PLEC: variants seen among roughly 807,000 people sequenced by gnomAD.
PLEC encodes hemidesmosomal protein 1.
Under a neutral mutation model 392.8 loss-of-function variants are expected in PLEC, and 216 were observed. The ratio of observed to expected loss-of-function variants is 0.55; its 90% CI spans 0.49 to 0.62. The LOEUF (loss-of-function observed/expected upper bound fraction) is 0.62. Among genes scored for constraint, PLEC ranks in the 20% least tolerant of loss-of-function variants. The probability of loss-of-function intolerance (pLI) is 0.00; values close to 1 mark genes in which losing one functional copy is unlikely to be tolerated. For synonymous variants in PLEC, 3,621 were observed against 2,980.6 expected (o/e 1.21, Z -7.00); for missense variants, 6,863 against 6,563.4 (o/e 1.05, Z -1.58).
rs571562116 is a variant in PLEC, at chr8:143,936,601, C to G, written c.435+378G>C. Among the ~76,000 whole-genome samples, 16 of 152,372 alleles carry G rather than the reference C, an allele frequency of 1.1e-4. 1 individual carries two copies. Among genetic ancestry groups the G allele is most frequent in the Admixed American group, 1.0e-3 (16 of 15,314 alleles). On this transcript the variant is annotated intron_variant, in intron 5 of 31. Transcript: ENST00000345136. ...TCAGCTGCCGTGCCAGCACCAGGCT[C>G]TGCCTGCTCAGCTCTCAGATTTGTG...
At chr8:143,931,704 G>C (rs1205344677) in intron 18 of PLEC, 45 bp from the exon 19 acceptor site, 1 of 1,578,664 alleles carries the variant, frequency 6.3e-7, no homozygotes, top group Non-Finnish European at 8.6e-7. Context: ...TGGGACCAGA[G>C]CCCCAGCCCA....
At position 143,938,248 on chromosome 8, in the gene PLEC, G is replaced by C; in HGVS notation, c.175-8C>G. On this transcript the variant is annotated splice_region_variant and splice_polypyrimidine_tract_variant and intron_variant, in intron 2 of 31. Transcript: ENST00000345136. ...ACTGATGTGCCTCTGGGCCTGTGGG[G>C]ACAGCAGCGGCTGAGGTGGCCAGTC... 6.3e-7 allele frequency: 1 copy of C among 1,588,586 alleles called. No individual in the cohort carries two copies. The highest frequency in any genetic ancestry group is 8.6e-7 in the Non-Finnish European group (1 of 1,169,374).
upstream of PLEC, chr8:143,943,987 G>C (rs1831006228): frequency 1.3e-6 from 2 of 1,531,156 alleles, no homozygotes; most frequent in Non-Finnish European, 1.8e-6. Context: ...GCGAGCGAGG[G>C]GGAGCGCCGG....
Position 143,922,015 on chromosome 8 carries a change from C to G in PLEC, c.7806G>C (p.Glu2602Asp). The change falls in exon 32 of 32, where the codon GAG becomes GAC. Residue 2602 changes from glutamate (E) to aspartate (D), a missense_variant. Glu to Asp is a conservative substitution (Grantham distance 45, BLOSUM62 2). Transcript: ENST00000345136. ...GCGCCAGCGCGGCCCGGTGCTGCTC[C>G]TCCAGGAGCTGCAGCTGCTCACGCA... ...QRLREQLQLL[E>D]EQHRAALAHS... 6.3e-7 allele frequency: 1 copy of G among 1,597,808 alleles called. No individual in the cohort carries two copies. Among genetic ancestry groups the G allele is most frequent in the Non-Finnish European group, 8.5e-7 (1 of 1,179,550 alleles).
chr8:143,963,619 C>T lies in PLEC; in HGVS notation c.70+9784G>A, dbSNP rs549113779. 2.0e-5 allele frequency among the ~76,000 whole-genome samples: 3 copies of T among 152,204 alleles called. No homozygotes were observed. The East Asian group carries it at 5.8e-4, about 29-fold the overall frequency. On this transcript the variant is annotated intron_variant, in intron 1 of 31. Transcript: ENST00000356346. ...CATCTGGATCCTACCCAGAGCCTCA[C>T]CAACACCTGATTTAGACACAACTTC...
In PLEC at chr8:143,924,475, C is replaced by T. The variant is rs1554697596; in HGVS notation, c.5454G>A (p.Gln1818=). The change falls in exon 31 of 32, where the codon CAG becomes CAA. Residue 1818 remains glutamine (Q), a synonymous_variant. Transcript: ENST00000345136. ...ALAEEAKRQR[Q]LAEEDAARQR... ...GCCGCGCCGCGTCTTCCTCGGCCAGCTGCCGCTGCCGCTTGGCCTCTTCCG... is the reference window on the plus strand; with the variant it reads ...GCCGCGCCGCGTCTTCCTCGGCCAGTTGCCGCTGCCGCTTGGCCTCTTCCG... 2 of 1,540,276 alleles carry T rather than the reference C, an allele frequency of 1.3e-6. No individual in the cohort carries two copies. The highest frequency in any genetic ancestry group is 1.9e-5 in the Admixed American group (1 of 52,122).
At chr8:143,974,205 C>T (rs1383703097), upstream of PLEC, among the ~76,000 whole-genome samples, 1 of 152,226 alleles carries the variant, frequency 6.6e-6, no homozygotes, top group Non-Finnish European at 1.5e-5. This position sits in a 1 kb window ranked among gnomAD's most constrained non-coding sequence, Gnocchi z 5.9. Flanking sequence ...CGCAGAGCCC[C>T]GGCGCGGAAG....
In PLEC at chr8:143,925,911, G is replaced by A. The variant is rs1004580340; in HGVS notation, c.4045-27C>T. On this transcript the variant is annotated intron_variant, in intron 30 of 31. Coordinates refer to ENST00000345136, the MANE Select transcript of PLEC (RefSeq NM_201384.3). ...TGTGGCCACAGCAGAGAGAAGAAGAGAAGCAGAGAGAGTGTGAACACGGGC... is the reference window on the plus strand; with the variant it reads ...TGTGGCCACAGCAGAGAGAAGAAGAAAAGCAGAGAGAGTGTGAACACGGGC... 2.0e-6 allele frequency: 3 copies of A among 1,535,156 alleles called. 1 individual carries two copies. The South Asian group carries it at 3.6e-5, about 18-fold the overall frequency.
In PLEC at chr8:143,929,465, C is replaced by A; in HGVS notation, c.3030G>T (p.Pro1010=). 6.3e-7 allele frequency: 1 copy of A among 1,596,488 alleles called. No individual in the cohort carries two copies. Among genetic ancestry groups the A allele is most frequent in the Non-Finnish European group, 8.5e-7 (1 of 1,173,020 alleles). ...ETRTVHRLRL[P]LDKEPARECA... The stretch of plus-strand genomic sequence containing the variant: ...ACTCCCGTGCCGGCTCTTTGTCCAG[C>A]GGCAGCCGCAGGCGGTGCACGGTGC... The change falls in exon 24 of 32, where the codon CCG becomes CCT. Residue 1010 remains proline (P), a synonymous_variant. Transcript: ENST00000345136.
rs1554715879 is a variant in PLEC at position 143,931,923 on chromosome 8, G to A, written c.2178+14C>T. ...GCCGCTGAGCCACAGTGCGGAGGGG[G>A]CTCCGGTTCTCACCTGAAAGTAGGC... On this transcript the variant is annotated intron_variant, in intron 18 of 31. Transcript: ENST00000345136. 3.8e-6 allele frequency: 6 copies of A among 1,595,326 alleles called. No homozygotes were observed. The highest frequency in any genetic ancestry group is 3.4e-5 in the Admixed American group (2 of 58,814).
At position 143,930,014 on chromosome 8, in the gene PLEC, G is replaced by A. The variant is rs782806801; in HGVS notation, c.2661C>T (p.His887=). ...AGGCCAGAAGGCTCTTCATGTCCACGTGCAACTGGTGCCACAGCGTGACCA... is the reference window on the plus strand; with the variant it reads ...AGGCCAGAAGGCTCTTCATGTCCACATGCAACTGGTGCCACAGCGTGACCA... ...QALVTLWHQL[H]VDMKSLLAWQ... is the part of the protein sequence containing the mutation. The change falls in exon 22 of 32, where the codon CAC becomes CAT. Residue 887 remains histidine, a synonymous_variant. Coordinates refer to ENST00000345136, the MANE Select transcript of PLEC (RefSeq NM_201384.3). 3.9e-5 allele frequency: 63 copies of A among 1,612,096 alleles called. No individual in the cohort carries two copies. Among genetic ancestry groups the A allele is most frequent in the Admixed American group, 8.3e-5 (5 of 59,970 alleles).
chr8:143,963,031 A>T (rs1564227811), intron 1 of PLEC, among the ~76,000 whole-genome samples: 1 of 152,214 alleles, frequency 6.6e-6, no homozygotes, highest in African/African-American at 2.4e-5. Context: ...CCATTCACTC[A>T]TCTCAACAGA....
chr8:143,957,754 A>C (rs763125027), upstream of PLEC, among the ~76,000 whole-genome samples: 154 of 152,058 alleles, frequency 1.0e-3, 1 homozygote, highest in Non-Finnish European at 1.8e-3. Flanking sequence ...GGCCCTGCCC[A>C]CCACCACCCT....
At position 143,917,053 on chromosome 8, in the gene PLEC, G is replaced by A. The variant is rs1407575039; in HGVS notation, c.12768C>T (p.Tyr4256=). 1.2e-5 allele frequency: 20 copies of A among 1,608,716 alleles called. No individual in the cohort carries two copies. Among genetic ancestry groups the A allele is most frequent in the Non-Finnish European group, 1.7e-5 (20 of 1,176,554 alleles). Reference sequence around the variant, plus strand: ...TCCTGGAGACGGCGGGGCTGATGGGGTAGGAGGAGGAGGATCCCACCGAGG... The same window carrying A: ...TCCTGGAGACGGCGGGGCTGATGGGATAGGAGGAGGAGGATCCCACCGAGG... ...RSSSVGSSSS[Y]PISPAVSRTQ... is the part of the protein sequence containing the mutation. The change falls in exon 32 of 32, where the codon TAC becomes TAT. Residue 4256 remains tyrosine (Y), a synonymous_variant. Transcript: ENST00000345136.
In PLEC at chr8:143,925,157, T is replaced by G; in HGVS notation, c.4772A>C (p.Gln1591Pro). ...KRASFAEKTA[Q>P]LERSLQEEHV... ...TTCCTCCTGCAGGGAGCGCTCCAGCTGTGCCGTCTTCTCGGCGAAGGAGGC... is the reference window on the plus strand; with the variant it reads ...TTCCTCCTGCAGGGAGCGCTCCAGCGGTGCCGTCTTCTCGGCGAAGGAGGC... The change falls in exon 31 of 32, where the codon CAG becomes CCG. Residue 1591 changes from glutamine to proline, a missense_variant. Physicochemically the swap from Gln to Pro is moderately conservative, Grantham distance 76. Transcript: ENST00000345136. 6.4e-7 allele frequency: 1 copy of G among 1,559,440 alleles called. No individual in the cohort carries two copies. Among genetic ancestry groups the G allele is most frequent in the Non-Finnish European group, 8.6e-7 (1 of 1,160,742 alleles).
rs782044574 is a variant in PLEC at position 143,933,089 on chromosome 8, G to T, written c.1441C>A (p.Leu481Met). The T allele has an allele frequency of 2.1e-5, 33 of 1,590,642 alleles. No individual in the cohort carries two copies. The highest frequency in any genetic ancestry group is 2.6e-5 in the Non-Finnish European group (31 of 1,170,966). ...YRRVYRLHER[L>M]VAIRTEYNLR... The stretch of plus-strand genomic sequence containing the variant: ...TTGTACTCGGTGCGGATGGCTACCA[G>T]GCGCTCGTGCAGACGGTACACCCTG... The change falls in exon 14 of 32, where the codon CTG (leucine) becomes ATG (methionine). Residue 481 changes from leucine to methionine, a missense_variant. By Grantham distance (15) the Leu-to-Met change is conservative. Transcript: ENST00000345136.
In PLEC at chr8:143,925,442, G is replaced by C; in HGVS notation, c.4487C>G (p.Ala1496Gly). 6.3e-7 allele frequency: 1 copy of C among 1,595,634 alleles called. No homozygotes were observed. The highest frequency in any genetic ancestry group is 1.1e-5 in the South Asian group (1 of 90,808). Reference protein sequence around the residue: ...EAQKRQAQEEAERLRRQVQDE... With the variant: ...EAQKRQAQEEGERLRRQVQDE... ...CTGCACCTGCCTCCGCAAGCGCTCG[G>C]CCTCCTCCTGCGCCTGTCGCTTTTG... is the stretch of plus-strand genomic sequence containing the variant. The change falls in exon 31 of 32, where the codon GCC becomes GGC. Residue 1496 changes from alanine to glycine, a missense_variant. Transcript: ENST00000345136.
Position 143,925,304 on chromosome 8 carries a change from C to T in PLEC, c.4625G>A (p.Arg1542Gln), listed in dbSNP as rs782773512. The T allele has an allele frequency of 1.8e-5, 28 of 1,570,720 alleles. No individual in the cohort carries two copies. In the East Asian group the frequency reaches 2.1e-4, roughly 12 times the overall value. Reference sequence around the variant, plus strand: ...CCGCTCCGCCTCCTCCGCCTGCAGCCGCAGCTCCTCCAGGGCCTGCAGGGC... The same window carrying T: ...CCGCTCCGCCTCCTCCGCCTGCAGCTGCAGCTCCTCCAGGGCCTGCAGGGC... ...QRALQALEEL[R>Q]LQAEEAERRL... The change falls in exon 31 of 32, where the codon CGG becomes CAG. Residue 1542 changes from arginine to glutamine, a missense_variant. By Grantham distance (43) the Arg-to-Gln change is conservative. Coordinates refer to ENST00000345136, the MANE Select transcript of PLEC (RefSeq NM_201384.3).
chr8:143,916,426 C>T lies in PLEC; in HGVS notation c.13395G>A (p.Glu4465=). 6.2e-7 allele frequency: 1 copy of T among 1,611,692 alleles called. No individual in the cohort carries two copies. Among genetic ancestry groups the T allele is most frequent in the Non-Finnish European group, 8.5e-7 (1 of 1,179,416 alleles). ...VEEGTGLRLL[E]AAAQSTKGYY... ...AGCCCTTGGTGGACTGCGCGGCAGC[C>T]TCCAGCAGCCGCAGCCCCGTGCCCT... The change falls in exon 32 of 32, where the codon GAG becomes GAA. Residue 4465 remains glutamate (E), a synonymous_variant. Transcript: ENST00000345136.
Sources: gnomAD v4.1 joint callset for allele counts (sites outside exome capture counted in the v4.1 genomes callset) on GRCh38, gnomAD v4.1.1 for gene constraint, Gnocchi (gnomAD v3.1) non-coding constraint, MANE v1.5 for transcripts, NCBI Gene and HGNC (gene_info 2026-07-23, HGNC 2026-07-21) for gene names.